The following STPG2 variants were observed in gnomAD, a reference collection of about 807,000 sequenced individuals.
STPG2 encodes sperm-tail PG-rich repeat-containing protein 2.
A neutral mutation model predicts 54.2 loss-of-function variants in STPG2; 56 were observed. The observed-to-expected ratio is 1.03, with a 90% confidence interval of 0.83 to 1.29. The LOEUF is 1.29. STPG2 is among the 50% of genes most tolerant of loss of function. The probability of loss-of-function intolerance (pLI) is 0.00; values close to 1 mark genes in which losing one functional copy is unlikely to be tolerated. For synonymous variants in STPG2, 200 were observed against 181.8 expected, an observed-to-expected ratio of 1.10 and a Z score of -0.81; for missense variants, 596 against 544.9, an observed-to-expected ratio of 1.09 and a Z score of -0.93.
chr4:97,706,900 T>C (rs1442080240), intron 10 of STPG2, among the ~76,000 whole-genome samples: 3 of 152,104 alleles, frequency 2.0e-5, no homozygotes, highest in South Asian at 2.1e-4. Flanking sequence ...GAAGAAAATA[T>C]AGAAACAGGG....
At chr4:97,952,028 C>T (rs566349096) in intron 7 of STPG2, among the ~76,000 whole-genome samples, 1 of 152,248 alleles carries the variant, frequency 6.6e-6, no homozygotes, top group African/African-American at 2.4e-5. Flanking sequence ...ACATTCCAGA[C>T]ACACTCATGA....
chr4:97,557,112 C>T (rs199850569), downstream of STPG2, among the ~76,000 whole-genome samples: 9 of 151,988 alleles, frequency 5.9e-5, no homozygotes, highest in South Asian at 8.3e-4. Context: ...ACCTGGGAGG[C>T]GGAGGTTGCA....
chr4:97,792,949 C>T (rs1275066805), intron 9 of STPG2, among the ~76,000 whole-genome samples: 2 of 151,992 alleles, frequency 1.3e-5, no homozygotes, highest in Admixed American at 6.6e-5. Flanking sequence ...GTCAGGAGTT[C>T]GAGACCAGCC....
chr4:97,655,856 C>G (rs112508337), intron 10 of STPG2, among the ~76,000 whole-genome samples: 15 of 152,192 alleles, frequency 9.9e-5, no homozygotes, highest in Non-Finnish European at 1.5e-4. Context: ...AATATAGACA[C>G]TTTTAAGACC....
chr4:97,863,643 A>C (rs985085484), intron 8 of STPG2, among the ~76,000 whole-genome samples: 7 of 152,100 alleles, frequency 4.6e-5, no homozygotes, highest in African/African-American at 7.2e-5. Context: ...GAGACACAAC[A>C]AAAAAAGAGA....
intron 4 of STPG2, among the ~76,000 whole-genome samples, chr4:97,546,687 A>T (rs1731840933): frequency 6.6e-6 from 1 of 152,200 alleles, no homozygotes; most frequent in Non-Finnish European, 1.5e-5. Flanking sequence ...TTAAAAATTC[A>T]TGAACCAAAT....
intron 4 of STPG2, among the ~76,000 whole-genome samples, chr4:97,551,494 TACA>T (rs1245611582): frequency 7.9e-5 from 12 of 152,182 alleles, no homozygotes; most frequent in Non-Finnish European, 1.6e-4. Flanking sequence ...CACAACTAAA[TACA>T]ACATTATGCC....
rs146719577 is a variant in STPG2 at position 97,570,882 on chromosome 4, C to T, written c.1321-11765G>A. Among the ~76,000 whole-genome samples the T allele has an allele frequency of 1.9e-3, 290 of 152,216 alleles. 1 individual carries two copies. The highest frequency in any genetic ancestry group is 6.5e-3 in the African/African-American group (272 of 41,538). On this transcript the variant is annotated intron_variant, in intron 10 of 10. Transcript: ENST00000295268. ...GTCTTCCACATATCTGTGAAATATACGCATTCATAAACTTCTGTTTGTCTT... is the reference window on the plus strand; with the variant it reads ...GTCTTCCACATATCTGTGAAATATATGCATTCATAAACTTCTGTTTGTCTT...
chr4:97,684,382 G>A (rs1481086150), intron 10 of STPG2, among the ~76,000 whole-genome samples: 1 of 151,916 alleles, frequency 6.6e-6, no homozygotes, highest in African/African-American at 2.4e-5. Flanking sequence ...TGTGGTATCA[G>A]CTAAATAAAT....
chr4:97,856,181 T>C (rs1042011726), intron 8 of STPG2, among the ~76,000 whole-genome samples: 1 of 152,334 alleles, frequency 6.6e-6, no homozygotes, highest in Non-Finnish European at 1.5e-5. Flanking sequence ...AATTCTAAAA[T>C]AGTTTTCTCT....
chr4:97,590,299 C>T (rs2148897600), intron 10 of STPG2, among the ~76,000 whole-genome samples: 1 of 151,982 alleles, frequency 6.6e-6, no homozygotes, highest in East Asian at 1.9e-4. Context: ...TTCTTGGAAA[C>T]ATTTAATAAA....
At chr4:97,692,113 A>G (rs1382728751) in intron 10 of STPG2, among the ~76,000 whole-genome samples, 1 of 152,126 alleles carries the variant, frequency 6.6e-6, no homozygotes, top group Non-Finnish European at 1.5e-5. Context: ...CAGTAATATG[A>G]CAAAACAAGG....
chr4:97,796,397 C>A lies in STPG2; in HGVS notation c.1204+44376G>T, dbSNP rs557777703. On this transcript the variant is annotated intron_variant, in intron 9 of 10. Coordinates refer to ENST00000295268, the MANE Select transcript of STPG2 (RefSeq NM_174952.3). ...TTTTTATAAGGTGTAAGGAAGGGAT[C>A]CAGTTTCAGCTTTCTACATATGGCT... is the stretch of plus-strand genomic sequence containing the variant. 8.5e-5 allele frequency among the ~76,000 whole-genome samples: 13 copies of A among 152,302 alleles called. No individual in the cohort carries two copies. The South Asian group carries it at 2.3e-3, about 27-fold the overall frequency.
At chr4:97,528,705 G>T (rs1047056521) in intron 4 of STPG2, among the ~76,000 whole-genome samples, 1 of 152,052 alleles carries the variant, frequency 6.6e-6, no homozygotes, top group Non-Finnish European at 1.5e-5. Flanking sequence ...TCCTTAAAGA[G>T]GTCCTTCACA....
chr4:97,943,815 G>T, intron 8 of STPG2, 82 bp downstream of exon 8: 4 of 1,030,474 alleles, frequency 3.9e-6, no homozygotes, highest in South Asian at 1.7e-5. Flanking sequence ...CCTCACTCAG[G>T]TCCTAATATA....
intron 9 of STPG2, among the ~76,000 whole-genome samples, chr4:97,758,630 C>T (rs904909114): frequency 3.3e-5 from 5 of 151,726 alleles, no homozygotes; most frequent in Non-Finnish European, 7.4e-5. Flanking sequence ...CAGGGGGGTG[C>T]GGGGAGAGGG....
intron 4 of STPG2, among the ~76,000 whole-genome samples, chr4:97,527,056 T>C (rs1050261703): frequency 6.6e-6 from 1 of 151,958 alleles, no homozygotes; most frequent in African/African-American, 2.4e-5. Context: ...ACGTGCAGCT[T>C]TGTTATATAG....
chr4:97,961,754 T>C (rs1487240241), intron 7 of STPG2, among the ~76,000 whole-genome samples: 1 of 152,208 alleles, frequency 6.6e-6, no homozygotes, highest in Non-Finnish European at 1.5e-5. Context: ...TTTATACTGA[T>C]GGTCAGAACG....
intron 10 of STPG2, among the ~76,000 whole-genome samples, chr4:97,640,712 A>C (rs774052657): frequency 4.0e-5 from 6 of 151,630 alleles, no homozygotes; most frequent in African/African-American, 9.7e-5. Context: ...TAAACAAAAA[A>C]TTTATAATAT....
Sources: allele counts gnomAD v4.1 joint callset (sites outside exome capture counted in the v4.1 genomes callset), GRCh38; gene constraint gnomAD v4.1.1; transcripts MANE v1.5; gene names NCBI Gene and HGNC (gene_info 2026-07-23, HGNC 2026-07-21).